NME7: variants seen among roughly 807,000 people sequenced by gnomAD.
NME7 encodes NME/NM23 family member 7.
A neutral mutation model predicts 49.1 loss-of-function variants in NME7; 41 were observed. The observed-to-expected ratio is 0.83, with a 90% CI of 0.65 to 1.08. NME7 has a LOEUF of 1.08. NME7 is among the 50% of genes least tolerant of loss of function. NME7 has a pLI of 0.00. For missense variants in NME7, 423 were observed against 463.4 expected, an observed-to-expected ratio of 0.91 and a Z score of 0.80; for synonymous variants, 139 against 150.6, an observed-to-expected ratio of 0.92 and a Z score of 0.56.
At chr1:169,367,416 G>A (rs148977527) in intron 1 of NME7, among the ~76,000 whole-genome samples, 108 of 152,294 alleles carry the variant, frequency 7.1e-4, no homozygotes, top group African/African-American at 2.5e-3. Flanking sequence ...ATGCCATGAT[G>A]AACAATGCAA....
chr1:169,323,311 A>G (rs748204469), intron 2 of NME7, 28 bp from the exon 3 acceptor site: 2 of 1,455,554 alleles, frequency 1.4e-6, no homozygotes, highest in Non-Finnish European at 1.8e-6. Flanking sequence ...AATATAACAA[A>G]CAAACAAAAA....
chr1:169,251,856 C>T (rs1023906313), intron 7 of NME7, among the ~76,000 whole-genome samples: 8 of 151,834 alleles, frequency 5.3e-5, no homozygotes, highest in Admixed American at 5.2e-4. Flanking sequence ...TGATGTTTTC[C>T]AGTTTCATCC....
intron 1 of NME7, among the ~76,000 whole-genome samples, chr1:169,337,970 T>C (rs1479893359): frequency 1.3e-5 from 2 of 152,202 alleles, no homozygotes; most frequent in Admixed American, 1.3e-4. Flanking sequence ...TCCTTCTTCA[T>C]AAATCTATCT....
At chr1:169,320,224 A>G (rs1241786962) in intron 3 of NME7, among the ~76,000 whole-genome samples, 1 of 152,230 alleles carries the variant, frequency 6.6e-6, no homozygotes, top group Non-Finnish European at 1.5e-5. Flanking sequence ...AGACTGACTC[A>G]TTGACAACTT....
intron 1 of NME7, among the ~76,000 whole-genome samples, chr1:169,355,367 TACACAC>T (rs36138444): frequency 4.1e-4 from 29 of 71,226 alleles, no homozygotes; most frequent in Non-Finnish European, 7.4e-4. Flanking sequence ...ATATATATTA[TACACAC>T]ACACACACAC....
chr1:169,302,182 T>C (rs1489920829), intron 5 of NME7: 3 of 152,150 alleles, frequency 2.0e-5, no homozygotes, highest in Non-Finnish European at 2.9e-5. Flanking sequence ...TCAACCACTG[T>C]AGAAAATAGT....
intron 5 of NME7, among the ~76,000 whole-genome samples, chr1:169,300,999 A>C (rs937959893): frequency 6.6e-5 from 10 of 152,144 alleles, no homozygotes; most frequent in African/African-American, 2.4e-4. Flanking sequence ...AAAACCTAGG[A>C]AACACCATTC....
At chr1:169,356,561 T>C (rs57005244) in intron 1 of NME7, among the ~76,000 whole-genome samples, 2,221 of 152,286 alleles carry the variant, frequency 0.015, 47 homozygotes, top group African/African-American at 0.048. Context: ...AAGAATTGCT[T>C]AAAAATTATA....
In NME7 at chr1:169,146,196, C is replaced by T. The variant is rs961802859; in HGVS notation, c.1099-13379G>A. On this transcript the variant is annotated intron_variant, in intron 11 of 11. Transcript: ENST00000367811. The stretch of plus-strand genomic sequence containing the variant: ...GTGAGAACACAGCATTTAATATTAT[C>T]GGAGGGAGAAAAGATCCCATACTAC... 5.9e-5 allele frequency among the ~76,000 whole-genome samples: 9 copies of T among 152,086 alleles called. No individual in the cohort carries two copies. The East Asian group carries it at 1.5e-3, about 26-fold the overall frequency.
intron 7 of NME7, among the ~76,000 whole-genome samples, chr1:169,260,840 T>C (rs1013043233): frequency 7.5e-6 from 1 of 133,884 alleles, no homozygotes; most frequent in African/African-American, 2.5e-5. Context: ...TACCATGAGT[T>C]CTAAAATGGC....
chr1:169,346,330 A>G (rs1270118800), intron 1 of NME7, among the ~76,000 whole-genome samples: 1 of 152,120 alleles, frequency 6.6e-6, no homozygotes, highest in Non-Finnish European at 1.5e-5. Flanking sequence ...GTCTGACTTC[A>G]TCTCCCACAA....
At chr1:169,172,604 T>A (rs1659639220) in intron 10 of NME7, among the ~76,000 whole-genome samples, 1 of 152,174 alleles carries the variant, frequency 6.6e-6, no homozygotes, top group Non-Finnish European at 1.5e-5. Flanking sequence ...TAAATGCCAA[T>A]ACGATCATGT....
At chr1:169,291,354 T>C (rs915610550) in intron 6 of NME7, among the ~76,000 whole-genome samples, 1 of 152,100 alleles carries the variant, frequency 6.6e-6, no homozygotes, top group Non-Finnish European at 1.5e-5. Context: ...GTTCATGTCC[T>C]TTGCATGGAC....
intron 1 of NME7, among the ~76,000 whole-genome samples, chr1:169,345,949 G>A (rs999366946): frequency 6.6e-6 from 1 of 152,072 alleles, no homozygotes; most frequent in Non-Finnish European, 1.5e-5. Context: ...CAAAATCCTA[G>A]GGTCATCTTT....
chr1:169,315,434 T>C lies in NME7; in HGVS notation c.279-5354A>G, dbSNP rs543154289. 2.0e-5 allele frequency among the ~76,000 whole-genome samples: 3 copies of C among 152,102 alleles called. No individual in the cohort carries two copies. The South Asian group carries it at 6.2e-4, about 32-fold the overall frequency. ...ACACGCCTCCACGGCCGGCTAATTTTTGTAATTTTTTAGTAGAGACAAGGT... is the reference window on the plus strand; with the variant it reads ...ACACGCCTCCACGGCCGGCTAATTTCTGTAATTTTTTAGTAGAGACAAGGT... On this transcript the variant is annotated intron_variant, in intron 3 of 11. Coordinates refer to ENST00000367811, the MANE Select transcript of NME7 (RefSeq NM_013330.5).
intron 11 of NME7, among the ~76,000 whole-genome samples, chr1:169,143,020 T>TA (rs1658643739): frequency 6.6e-6 from 1 of 152,186 alleles, no homozygotes; most frequent in Non-Finnish European, 1.5e-5. Flanking sequence ...ACCCATAAAT[T>TA]AAAGTACATG....
rs1195585646 is a variant in NME7 at position 169,342,918 on chromosome 1, T to TACATATATACAAGTAC, written c.4-18419_4-18418insGTACTTGTATATATGT. ...TACAAGTACATATATATAGTGTATA[T>TACATATATACAAGTAC]ATATATATACAAGTACATATATATA... On this transcript the variant is annotated intron_variant, in intron 1 of 11. Coordinates refer to ENST00000367811, the MANE Select transcript of NME7 (RefSeq NM_013330.5). Among the ~76,000 whole-genome samples, 43 of 116,626 alleles carry TACATATATACAAGTAC rather than the reference T, an allele frequency of 3.7e-4. 3 individuals carry two copies. The highest frequency in any genetic ancestry group is 8.8e-3 in the Middle Eastern group (2 of 228). 76.5% of individuals were successfully genotyped at this position (116,626 alleles called of 152,430 possible). A position where few individuals can be genotyped will look rare whatever the true frequency, so the allele number is the denominator to read the frequency against.
intron 11 of NME7, among the ~76,000 whole-genome samples, chr1:169,145,667 C>G (rs1482729207): frequency 6.6e-6 from 1 of 152,152 alleles, no homozygotes; most frequent in Admixed American, 6.5e-5. Context: ...GTAGACTATT[C>G]TGTAAGATGA....
At chr1:169,171,090 T>C (rs1659573082) in intron 10 of NME7, among the ~76,000 whole-genome samples, 1 of 152,238 alleles carries the variant, frequency 6.6e-6, no homozygotes, top group Admixed American at 6.5e-5. Flanking sequence ...TAAACTGTTT[T>C]ATTAGAACCT....
Sources: allele counts gnomAD v4.1 joint callset (sites outside exome capture counted in the v4.1 genomes callset), GRCh38; gene constraint gnomAD v4.1.1; transcripts MANE v1.5; gene names NCBI Gene and HGNC (gene_info 2026-07-23, HGNC 2026-07-21).